Variants in PARL observed in about 807,000 individuals in gnomAD.
The protein encoded by PARL is presenilin-associated rhomboid-like protein, mitochondrial.
In PARL, 44 loss-of-function variants were observed where a neutral mutation model predicts 51.6. That is an observed-to-expected ratio of 0.85 (90% CI 0.67 to 1.10). PARL has a LOEUF of 1.10. PARL is among the 50% of genes least tolerant of loss of function. The pLI is 0.00. For missense variants in PARL, 441 were observed against 469.5 expected, an observed-to-expected ratio of 0.94 and a Z score of 0.56; for synonymous variants, 172 against 164.0, an observed-to-expected ratio of 1.05 and a Z score of -0.37.
intron 4 of PARL, among the ~76,000 whole-genome samples, chr3:183,860,814 C>CTTTTTT (rs11405513): frequency 7.9e-6 from 1 of 126,732 alleles, no homozygotes. Flanking sequence ...AATTTCGTTA[C>CTTTTTT]TTTTTTTTTT....
At chr3:183,874,620 G>A (rs1463747340) in intron 1 of PARL, among the ~76,000 whole-genome samples, 1 of 152,052 alleles carries the variant, frequency 6.6e-6, no homozygotes, top group Non-Finnish European at 1.5e-5. Flanking sequence ...TGTTGGCCAG[G>A]CTGGTCTCGA....
chr3:183,882,436 AAGAG>A (rs149185640), intron 1 of PARL, among the ~76,000 whole-genome samples: 3,132 of 147,550 alleles, frequency 0.021, 96 homozygotes, highest in African/African-American at 0.074. Flanking sequence ...GAGAGAGAGA[AAGAG>A]AGAGACTATC....
Position 183,833,550 on chromosome 3 carries a change from T to A in PARL, c.970A>T (p.Ile324Phe). The A allele has an allele frequency of 6.2e-7, 1 of 1,613,908 alleles. No individual in the cohort carries two copies. Among genetic ancestry groups the A allele is most frequent in the Non-Finnish European group, 8.5e-7 (1 of 1,179,832 alleles). ...AIIAMDTAGM[I>F]LGWKFFDHAA... Reference sequence around the variant, plus strand: ...TGATCAAAAAATTTCCATCCCAGGATCATTCCTGCTGTATCCATGGCGATA... The same window carrying A: ...TGATCAAAAAATTTCCATCCCAGGAACATTCCTGCTGTATCCATGGCGATA... Residue 324 changes from isoleucine to phenylalanine, a missense_variant, in exon 9 of 10, where the codon ATC (isoleucine) becomes TTC (phenylalanine). Physicochemically the swap from Ile to Phe is conservative, Grantham distance 21. Coordinates refer to ENST00000317096, the MANE Select transcript of PARL (RefSeq NM_018622.7).
chr3:183,862,677 T>C (rs1009221202), intron 4 of PARL, 76 bp downstream of exon 4: 10 of 1,102,550 alleles, frequency 9.1e-6, no homozygotes, highest in Non-Finnish European at 1.3e-5. Context: ...ACAAGAGCCA[T>C]TGCTTGTGAC....
At chr3:183,835,413 A>C (rs907184976) in intron 7 of PARL, among the ~76,000 whole-genome samples, 2 of 152,188 alleles carry the variant, frequency 1.3e-5, no homozygotes, top group African/African-American at 4.8e-5. Context: ...AGATGTCCCC[A>C]GTCCCTCATA....
intron 9 of PARL, among the ~76,000 whole-genome samples, chr3:183,832,050 T>C (rs1158487623): frequency 6.6e-6 from 1 of 152,184 alleles, no homozygotes; most frequent in Non-Finnish European, 1.5e-5. Flanking sequence ...TTCATGTTTC[T>C]CATACTGTAA....
At chr3:183,838,817 C>T (rs980857032) in intron 7 of PARL, among the ~76,000 whole-genome samples, 3 of 152,160 alleles carry the variant, frequency 2.0e-5, no homozygotes, top group African/African-American at 7.2e-5. Flanking sequence ...AACAGCTGTC[C>T]AAGAGCACAT....
intron 4 of PARL, among the ~76,000 whole-genome samples, chr3:183,858,511 T>TG (rs1437389450): frequency 6.6e-6 from 1 of 152,238 alleles, no homozygotes; most frequent in African/African-American, 2.4e-5. Context: ...TATCCTTTTC[T>TG]GTCCTTGCTC....
chr3:183,866,014 G>A (rs2108676613), intron 3 of PARL, among the ~76,000 whole-genome samples: 1 of 152,002 alleles, frequency 6.6e-6, no homozygotes, highest in East Asian at 1.9e-4. Flanking sequence ...TGAGTAGCTG[G>A]GGCCACAGGC....
chr3:183,853,044 G>C (rs941505840), intron 4 of PARL, among the ~76,000 whole-genome samples: 1 of 152,112 alleles, frequency 6.6e-6, no homozygotes, highest in Non-Finnish European at 1.5e-5. Context: ...GAAAACAGAA[G>C]AGAAGCCTCA....
In PARL at chr3:183,868,064, T is replaced by C. The variant is rs2108681854; in HGVS notation, c.126-4A>G. On this transcript the variant is annotated splice_polypyrimidine_tract_variant and splice_region_variant and intron_variant, in intron 1 of 9. Coordinates refer to ENST00000317096, the MANE Select transcript of PARL (RefSeq NM_018622.7). ...TTGTTGAATAAAGAAGTTAAACCTA[T>C]GGGGCAAAAATAACAGATGAGAAAC... 1.9e-6 allele frequency: 3 copies of C among 1,611,832 alleles called. No individual in the cohort carries two copies. Among genetic ancestry groups the C allele is most frequent in the Non-Finnish European group, 2.5e-6 (3 of 1,177,860 alleles).
chr3:183,883,582 T>G, intron 1 of PARL: 1 of 985,132 alleles, frequency 1.0e-6, no homozygotes, highest in Non-Finnish European at 1.2e-6. Context: ...AGTATTAATC[T>G]TTTCTTTCCC....
At chr3:183,832,675 G>A (rs1407366530) in intron 9 of PARL, among the ~76,000 whole-genome samples, 1 of 152,216 alleles carries the variant, frequency 6.6e-6, no homozygotes, top group Admixed American at 6.5e-5. Context: ...ACGATCAGAT[G>A]GACGCCAAGA....
At chr3:183,882,304 C>CATATAT (rs1734628080) in intron 1 of PARL, among the ~76,000 whole-genome samples, 3 of 95,546 alleles carry the variant, frequency 3.1e-5, no homozygotes, top group African/African-American at 1.0e-4. Context: ...TATATATACA[C>CATATAT]ACACATATAT....
intron 1 of PARL, among the ~76,000 whole-genome samples, chr3:183,883,049 C>T (rs1734746571): frequency 6.6e-6 from 1 of 152,182 alleles, no homozygotes; most frequent in Non-Finnish European, 1.5e-5. Flanking sequence ...ACGAAAATGT[C>T]ATTTTCAAAC....
intron 5 of PARL, among the ~76,000 whole-genome samples, chr3:183,842,852 C>A (rs367801339): frequency 5.4e-5 from 6 of 111,040 alleles, no homozygotes; most frequent in Non-Finnish European, 7.6e-5. Context: ...ACATGGAAAA[C>A]AAAAACAGCT....
In PARL at chr3:183,831,335, G is replaced by A. The variant is rs186126635; in HGVS notation, c.1029-1626C>T. 8.3e-4 allele frequency among the ~76,000 whole-genome samples: 127 copies of A among 152,252 alleles called. 1 individual carries two copies. Among genetic ancestry groups the A allele is most frequent in the African/African-American group, 2.4e-3 (100 of 41,530 alleles). On this transcript the variant is annotated intron_variant, in intron 9 of 9. Coordinates refer to ENST00000317096, the MANE Select transcript of PARL (RefSeq NM_018622.7). Reference sequence around the variant, plus strand: ...AGAGTCAAATACTTTAATTTCACAGGTATACTGTCTGATTATACTCATAAA... The same window carrying A: ...AGAGTCAAATACTTTAATTTCACAGATATACTGTCTGATTATACTCATAAA...
At position 183,882,954 on chromosome 3, in the gene PARL, T is replaced by C. The variant is rs567779498; in HGVS notation, c.125+1768A>G. Among the ~76,000 whole-genome samples the C allele has an allele frequency of 8.5e-5, 13 of 152,334 alleles. No homozygotes were observed. The East Asian group carries it at 2.5e-3, about 29-fold the overall frequency. On this transcript the variant is annotated intron_variant, in intron 1 of 9. Transcript: ENST00000317096. ...AATAAAGGTTATATATAAGGTAAAC[T>C]GATACTATTAACTTTAAGAACTTAT...
At chr3:183,836,573 C>T (rs779663188) in intron 7 of PARL, among the ~76,000 whole-genome samples, 4 of 152,232 alleles carry the variant, frequency 2.6e-5, no homozygotes, top group South Asian at 2.1e-4. Flanking sequence ...TCTCAGAAAA[C>T]GCTCACATTC....
Sources: gnomAD v4.1 joint callset for allele counts (sites outside exome capture counted in the v4.1 genomes callset) on GRCh38, gnomAD v4.1.1 for gene constraint, MANE v1.5 for transcripts, NCBI Gene and HGNC (gene_info 2026-07-23, HGNC 2026-07-21) for gene names.